Variants in STIM2 observed in about 807,000 individuals in gnomAD.
STIM2 encodes stromal interaction molecule 2.
Under a neutral mutation model 85.8 loss-of-function variants are expected in STIM2, and 31 were observed. The observed-to-expected ratio is 0.36, with a 90% confidence interval of 0.27 to 0.49. The LOEUF (loss-of-function observed/expected upper bound fraction) is 0.49. STIM2 is among the 20% of genes least tolerant of loss of function. The pLI, the probability that STIM2 is intolerant of heterozygous loss-of-function variation, is 0.98. For synonymous variants in STIM2, 356 were observed against 331.1 expected, an observed-to-expected ratio of 1.08 and a Z score of -0.82; for missense variants, 841 against 927.6, an observed-to-expected ratio of 0.91 and a Z score of 1.21.
At chr4:27,002,418 CATTT>C in intron 6 of STIM2, 24 bp downstream of exon 6, 1 of 1,560,418 alleles carries the variant, frequency 6.4e-7, no homozygotes, top group African/African-American at 1.4e-5. Flanking sequence ...AATCATAACT[CATTT>C]ATGTAGGCAA....
intron 3 of STIM2, among the ~76,000 whole-genome samples, chr4:26,985,557 T>G (rs1727552323): frequency 6.6e-6 from 1 of 152,216 alleles, no homozygotes; most frequent in Non-Finnish European, 1.5e-5. Flanking sequence ...TTAAATATAT[T>G]TACTTTTATT....
Position 26,918,165 on chromosome 4 carries a change from A to T in STIM2, c.152-1339A>T, listed in dbSNP as rs575778558. Among the ~76,000 whole-genome samples, 6 of 152,004 alleles carry T rather than the reference A, an allele frequency of 3.9e-5. No individual in the cohort carries two copies. The East Asian group carries it at 1.2e-3, about 29-fold the overall frequency. ...AGATTTTGAATTAAAACTATTAAAA[A>T]TGTTAAAACACCAAAATATTTTTTC... On this transcript the variant is annotated intron_variant, in intron 1 of 11. Transcript: ENST00000467087.
At chr4:26,995,533 T>C in intron 4 of STIM2, 43 bp downstream of exon 4, 2 of 1,307,870 alleles carry the variant, frequency 1.5e-6, no homozygotes, top group Non-Finnish European at 2.1e-6. Context: ...TCAGGGAGAA[T>C]TATATGCTAG....
rs1289158481 is a variant in STIM2 at position 26,990,850 on chromosome 4, C to G, written c.398-4529C>G. Among the ~76,000 whole-genome samples the G allele has an allele frequency of 5.3e-5, 8 of 152,212 alleles. No individual in the cohort carries two copies. The East Asian group carries it at 1.5e-3, about 29-fold the overall frequency. On this transcript the variant is annotated intron_variant, in intron 3 of 11. Transcript: ENST00000467087. ...AAAAATGTTCAGCATCACTAATCAT[C>G]AGGGAAATGCAAATCCAAACTACAA...
At chr4:26,974,820 A>C (rs1179180588) in intron 3 of STIM2, among the ~76,000 whole-genome samples, 2 of 152,128 alleles carry the variant, frequency 1.3e-5, no homozygotes, top group African/African-American at 4.8e-5. Flanking sequence ...TGGATAATAT[A>C]CTGAAGAGTG....
At chr4:26,907,938 GC>G (rs1472468468) in intron 1 of STIM2, among the ~76,000 whole-genome samples, 2 of 152,162 alleles carry the variant, frequency 1.3e-5, no homozygotes, top group African/African-American at 2.4e-5. Context: ...TTGTAGCATA[GC>G]TTTGTAAATC....
At chr4:26,987,570 T>A (rs375386499) in intron 3 of STIM2, among the ~76,000 whole-genome samples, 11 of 152,300 alleles carry the variant, frequency 7.2e-5, no homozygotes, top group African/African-American at 2.6e-4. Context: ...ACCATCTCCT[T>A]TGTTCCAGAG....
intron 3 of STIM2, among the ~76,000 whole-genome samples, chr4:26,961,615 C>G (rs1439111202): frequency 2.0e-5 from 3 of 152,048 alleles, no homozygotes; most frequent in African/African-American, 7.3e-5. Flanking sequence ...GTGATATGTA[C>G]AATAATAGCA....
chr4:27,022,666 A>G lies in STIM2; in HGVS notation c.1911A>G (p.Arg637=). The G allele has an allele frequency of 6.2e-7, 1 of 1,614,190 alleles. No individual in the cohort carries two copies. Among genetic ancestry groups the G allele is most frequent in the Non-Finnish European group, 8.5e-7 (1 of 1,180,036 alleles). Residue 637 remains arginine, a synonymous_variant, in exon 12 of 12, where the codon CGA becomes CGG. Coordinates refer to ENST00000467087, the MANE Select transcript of STIM2 (RefSeq NM_020860.4). ...AGGTGTCCCTAGAGGATTCCTCCCG[A>G]GGGGATTCGCCTGTAACTGTGGATG...
intron 10 of STIM2, among the ~76,000 whole-genome samples, chr4:27,016,099 C>T (rs895641567): frequency 6.6e-6 from 1 of 152,094 alleles, no homozygotes; most frequent in Non-Finnish European, 1.5e-5. Context: ...AGTTTTAACT[C>T]ATCCTTTGAA....
chr4:26,901,246 T>A (rs1723907973), intron 1 of STIM2, among the ~76,000 whole-genome samples: 1 of 152,210 alleles, frequency 6.6e-6, no homozygotes, highest in Admixed American at 6.5e-5. Flanking sequence ...TTCAACACAC[T>A]TGTAGTTTTT....
intron 1 of STIM2, among the ~76,000 whole-genome samples, chr4:26,870,582 A>C (rs1051347823): frequency 2.0e-5 from 3 of 152,180 alleles, no homozygotes; most frequent in Non-Finnish European, 4.4e-5. Context: ...TTTAACTGAT[A>C]TATGATAGAT....
intron 1 of STIM2, among the ~76,000 whole-genome samples, chr4:26,882,232 T>G (rs1723037650): frequency 6.6e-6 from 1 of 152,194 alleles, no homozygotes; most frequent in African/African-American, 2.4e-5. Context: ...ATGGTGATTC[T>G]TGTAAAAATG....
chr4:26,960,357 A>G (rs1726400996), intron 3 of STIM2, among the ~76,000 whole-genome samples: 1 of 151,934 alleles, frequency 6.6e-6, no homozygotes, highest in Non-Finnish European at 1.5e-5. Flanking sequence ...GAAAGTGTGT[A>G]TGTTTGTGTG....
chr4:26,946,324 T>C (rs1725830096), intron 2 of STIM2, among the ~76,000 whole-genome samples: 1 of 152,210 alleles, frequency 6.6e-6, no homozygotes, highest in Admixed American at 6.5e-5. Flanking sequence ...TATACCAAAA[T>C]TAGAAGAAAA....
At chr4:26,966,972 T>G (rs773609072) in intron 3 of STIM2, among the ~76,000 whole-genome samples, 19 of 152,170 alleles carry the variant, frequency 1.2e-4, no homozygotes, top group Non-Finnish European at 2.5e-4. Flanking sequence ...AATCTTCTGT[T>G]TCTCCCTCTC....
chr4:26,864,698 A>G lies in STIM2; in HGVS notation c.151+3329A>G, dbSNP rs573350288. ...TTTGGCATGTTATTAGAAATAACAT[A>G]TATAAAAACATGTTTCTTGGAAGTA... On this transcript the variant is annotated intron_variant, in intron 1 of 11. Transcript: ENST00000467087. Among the ~76,000 whole-genome samples, 668 of 152,212 alleles carry G rather than the reference A, an allele frequency of 4.4e-3. 8 individuals carry two copies. Among genetic ancestry groups the G allele is most frequent in the African/African-American group, 0.016 (647 of 41,532 alleles).
chr4:26,943,906 G>A (rs992362479), intron 2 of STIM2, among the ~76,000 whole-genome samples: 1 of 151,968 alleles, frequency 6.6e-6, no homozygotes, highest in African/African-American at 2.4e-5. Context: ...GAATACTAAT[G>A]TTAAAACCAG....
chr4:26,932,925 TC>T, intron 2 of STIM2, among the ~76,000 whole-genome samples: 1 of 152,266 alleles, frequency 6.6e-6, no homozygotes, highest in East Asian at 1.9e-4. Flanking sequence ...TAACGACTTG[TC>T]CTGAAAGAAC....
Sources: allele counts gnomAD v4.1 joint callset (sites outside exome capture counted in the v4.1 genomes callset), GRCh38; gene constraint gnomAD v4.1.1; transcripts MANE v1.5; gene names NCBI Gene and HGNC (gene_info 2026-07-23, HGNC 2026-07-21).